Variants in INTS2 observed in about 807,000 individuals in gnomAD.
The protein encoded by INTS2 is integrator complex subunit 2.
INTS2 carries 57 observed loss-of-function variants against 139.6 expected under a neutral mutation model. The observed-to-expected ratio is 0.41, with a 90% CI of 0.33 to 0.51. INTS2 has a LOEUF of 0.51. Among genes scored for constraint, INTS2 ranks in the 20% least tolerant of loss-of-function variants. The pLI is 0.28. For synonymous variants in INTS2, 473 were observed against 493.4 expected, an observed-to-expected ratio of 0.96 and a Z score of 0.55; for missense variants, 1,196 against 1,436.7, an observed-to-expected ratio of 0.83 and a Z score of 2.71.
In INTS2 at chr17:61,870,340, CA is replaced by C. The variant is rs1603371405; in HGVS notation, c.2779-353del. Among the ~76,000 whole-genome samples, 4 of 152,284 alleles carry C rather than the reference CA, an allele frequency of 2.6e-5. No individual in the cohort carries two copies. Among genetic ancestry groups the C allele is most frequent in the Admixed American group, 6.5e-5 (1 of 15,290 alleles). ...AGAGTATCATGAATTCAGTTACATC[CA>C]AAACAGGCCCTAGGCAAAAATGACT... is the stretch of plus-strand genomic sequence containing the variant. On this transcript the variant is annotated intron_variant, in intron 20 of 24. Transcript: ENST00000251334. This position sits in a 1 kb window ranked among gnomAD's most constrained non-coding sequence, Gnocchi z 4.4.
At chr17:61,888,708 C>A (rs2079256355) in intron 15 of INTS2, among the ~76,000 whole-genome samples, 1 of 151,976 alleles carries the variant, frequency 6.6e-6, no homozygotes, top group Non-Finnish European at 1.5e-5. Flanking sequence ...AGCTACCATA[C>A]CCAGCCCAAT....
intron 7 of INTS2, among the ~76,000 whole-genome samples, chr17:61,908,691 A>G (rs1206269396): frequency 6.6e-6 from 1 of 152,192 alleles, no homozygotes; most frequent in African/African-American, 2.4e-5. Flanking sequence ...TCAAAGAATA[A>G]AGGTTTATTG....
chr17:61,916,508 C>T (rs1567916957), intron 5 of INTS2, among the ~76,000 whole-genome samples: 1 of 152,162 alleles, frequency 6.6e-6, no homozygotes, highest in Admixed American at 6.5e-5. Flanking sequence ...CACCTACAAT[C>T]ATCTGATCTT....
In INTS2 at chr17:61,869,648, G is replaced by A. The variant is rs1335303815; in HGVS notation, c.3030+89C>T. 4.3e-6 allele frequency: 6 copies of A among 1,408,002 alleles called. No homozygotes were observed. Among genetic ancestry groups the A allele is most frequent in the Non-Finnish European group, 2.9e-6 (3 of 1,036,612 alleles). The allele number at this position is 1,408,002 out of a possible 1,614,324, so 87.2% of individuals were successfully genotyped here. On this transcript the variant is annotated intron_variant, in intron 21 of 24. Transcript: ENST00000251334. This position sits in a 1 kb window ranked among gnomAD's most constrained non-coding sequence, Gnocchi z 5.4. ...CCCATGGATCATTTGTGTTTTCTCT[G>A]GTTTCTAAATGATCCCTGTTAATAT... is the stretch of plus-strand genomic sequence containing the variant.
At position 61,873,721 on chromosome 17, in the gene INTS2, G is replaced by C. The variant is rs1192883438; in HGVS notation, c.2582+1192C>G. Among the ~76,000 whole-genome samples, 2 of 151,972 alleles carry C rather than the reference G, an allele frequency of 1.3e-5. No individual in the cohort carries two copies. On this transcript the variant is annotated intron_variant, in intron 19 of 24. Transcript: ENST00000251334. The surrounding 1 kb of genome is among the most constrained non-coding windows in gnomAD (Gnocchi z 4.0). ...CTAATTTTGTAGATTTTGTCACTTC[G>C]AGAATGTCATCCCTTGGTTGATGAC...
chr17:61,922,989 A>G (rs900184289), intron 3 of INTS2, among the ~76,000 whole-genome samples: 3 of 151,738 alleles, frequency 2.0e-5, no homozygotes, highest in African/African-American at 7.3e-5. Context: ...AGGCAGGAGA[A>G]TCGCTTTAAC....
rs1603370215 is a variant in INTS2, at chr17:61,865,651, T to C, written c.*1906A>G. ...TTTAATTAGAAAACATACTTTTAAC[T>C]TTTTCTGAACTCCTAGGGCATATCT... On this transcript the variant is annotated 3_prime_UTR_variant, in exon 25 of 25. Transcript: ENST00000251334. This position sits in a 1 kb window ranked among gnomAD's most constrained non-coding sequence, Gnocchi z 4.8. The C allele has an allele frequency of 6.6e-6, 1 of 152,598 alleles. No homozygotes were observed. Among genetic ancestry groups the C allele is most frequent in the East Asian group, 1.9e-4 (1 of 5,188 alleles). 9.5% of individuals were successfully genotyped at this position (152,598 alleles called of 1,614,324 possible).
intron 5 of INTS2, 110 bp from the exon 6 acceptor site, chr17:61,912,180 G>A: frequency 1.2e-5 from 14 of 1,174,916 alleles, no homozygotes; most frequent in South Asian, 6.3e-5. Context: ...AACAGAAATT[G>A]GCCAAAATGA....
intron 5 of INTS2, among the ~76,000 whole-genome samples, chr17:61,912,449 C>T (rs1358542789): frequency 1.3e-5 from 2 of 151,174 alleles, no homozygotes; most frequent in Non-Finnish European, 2.9e-5. Context: ...ATGGTGAAAC[C>T]CCATCTCTAC....
chr17:61,887,160 G>C (rs1447726489), intron 15 of INTS2, among the ~76,000 whole-genome samples: 2 of 152,118 alleles, frequency 1.3e-5, no homozygotes, highest in African/African-American at 4.8e-5. Flanking sequence ...TCTCAGAATT[G>C]TTATGAGGGT....
Position 61,897,758 on chromosome 17 carries a change from A to C in INTS2, c.1308-19T>G, listed in dbSNP as rs189626386. On this transcript the variant is annotated intron_variant, in intron 9 of 24. Transcript: ENST00000251334. The surrounding 1 kb of genome is among the most constrained non-coding windows in gnomAD (Gnocchi z 4.4). The stretch of plus-strand genomic sequence containing the variant: ...AGGTGTACTATATAAAATATACCAG[A>C]ATGTCACTGGTTTAAATTAGATATA... 4.7e-5 allele frequency: 72 copies of C among 1,520,832 alleles called. No homozygotes were observed. The East Asian group carries it at 1.3e-3, about 28-fold the overall frequency. 94.2% of individuals were successfully genotyped at this position (1,520,832 alleles called of 1,614,324 possible).
chr17:61,878,153 T>C, intron 17 of INTS2, 65 bp from the exon 18 acceptor site: 1 of 989,802 alleles, frequency 1.0e-6, no homozygotes, highest in South Asian at 1.3e-5. Context: ...GAAGTAGTAG[T>C]GTTCTCTCAG....
At chr17:61,918,037 A>C (rs1021410756) in intron 5 of INTS2, among the ~76,000 whole-genome samples, 3 of 152,198 alleles carry the variant, frequency 2.0e-5, no homozygotes, top group Admixed American at 2.0e-4. Context: ...TGACAGAACA[A>C]AAAGAAGAAA....
At position 61,924,979 on chromosome 17, in the gene INTS2, C is replaced by G. The variant is rs1247582441; in HGVS notation, c.414G>C (p.Leu138=). The G allele has an allele frequency of 5.0e-6, 8 of 1,612,736 alleles. No individual in the cohort carries two copies. Among genetic ancestry groups the G allele is most frequent in the Non-Finnish European group, 6.8e-6 (8 of 1,179,386 alleles). The change falls in exon 3 of 25, where the codon CTG becomes CTC. Residue 138 remains leucine (L), a synonymous_variant. Transcript: ENST00000251334. ...AATGCACCTTGTTCATAATTGCCAA[C>G]AGTTCACTAAGCACAAGACGCAATC... ...PRRLRLVLSE[L]LAIMNKVSES...
chr17:61,922,746 C>T (rs1003681386), intron 3 of INTS2, among the ~76,000 whole-genome samples: 5 of 151,576 alleles, frequency 3.3e-5, no homozygotes, highest in Non-Finnish European at 7.4e-5. Context: ...TGAGGTATTA[C>T]GGAAAAGATG....
chr17:61,869,699 A>C lies in INTS2; in HGVS notation c.3030+38T>G. On this transcript the variant is annotated intron_variant, in intron 21 of 24. Transcript: ENST00000251334. The surrounding 1 kb of genome is among the most constrained non-coding windows in gnomAD (Gnocchi z 5.4). ...AGTATTCAAAGCCCCCAAGAAAAATAAAGTTCAAACACAAAGCATCATTCT... is the reference window on the plus strand; with the variant it reads ...AGTATTCAAAGCCCCCAAGAAAAATCAAGTTCAAACACAAAGCATCATTCT... 1 of 1,596,548 alleles carries C rather than the reference A, an allele frequency of 6.3e-7. No individual in the cohort carries two copies. Among genetic ancestry groups the C allele is most frequent in the Non-Finnish European group, 8.6e-7 (1 of 1,169,012 alleles).
intron 9 of INTS2, among the ~76,000 whole-genome samples, chr17:61,901,328 C>T (rs991897078): frequency 6.6e-6 from 1 of 150,740 alleles, no homozygotes; most frequent in Non-Finnish European, 1.5e-5. Context: ...CTGAGAAAAG[C>T]TTCTAACTTT....
intron 17 of INTS2, among the ~76,000 whole-genome samples, chr17:61,878,984 T>C (rs951761246): frequency 2.0e-5 from 3 of 150,632 alleles, no homozygotes; most frequent in Non-Finnish European, 4.4e-5. Flanking sequence ...CTAATCTTAT[T>C]TTCTTGGTGA....
rs2079125280 is a variant in INTS2 at position 61,876,188 on chromosome 17, T to C, written c.2457-1150A>G. On this transcript the variant is annotated intron_variant, in intron 18 of 24. Transcript: ENST00000251334. The surrounding 1 kb of genome is among the most constrained non-coding windows in gnomAD (Gnocchi z 4.1). ...GTATCTAAAAAGTAAAAATAAAAAA[T>C]AATTTTTTAAAAAATGAACTAGAAT... is the stretch of plus-strand genomic sequence containing the variant. 1.3e-5 allele frequency among the ~76,000 whole-genome samples: 2 copies of C among 151,994 alleles called. No homozygotes were observed. Among genetic ancestry groups the C allele is most frequent in the South Asian group, 4.1e-4 (2 of 4,826 alleles).
Sources: gnomAD v4.1 joint callset for allele counts (sites outside exome capture counted in the v4.1 genomes callset) on GRCh38, gnomAD v4.1.1 for gene constraint, Gnocchi (gnomAD v3.1) non-coding constraint, MANE v1.5 for transcripts, NCBI Gene and HGNC (gene_info 2026-07-23, HGNC 2026-07-21) for gene names.